The following SUMO3 variants were observed in gnomAD, a reference collection of about 807,000 sequenced individuals.
SUMO3 encodes the protein small ubiquitin like modifier 3, also known as small ubiquitin-related modifier 3.
Under a neutral mutation model 11.1 loss-of-function variants are expected in SUMO3, and 2 were observed. The observed-to-expected ratio is 0.18, with a 90% CI of 0.07 to 0.57. The LOEUF is 0.57. Ranked by LOEUF, SUMO3 falls within the 20% of genes least tolerant of loss-of-function variation. The pLI is 0.92. For missense variants in SUMO3, 70 were observed against 132.8 expected, an observed-to-expected ratio of 0.53 and a Z score of 2.32; for synonymous variants, 56 against 53.5, an observed-to-expected ratio of 1.05 and a Z score of -0.20.
rs1420954281 is a variant in SUMO3 at position 44,811,163 on chromosome 21, C to T, written c.151-2045G>A. On this transcript the variant is annotated intron_variant, in intron 2 of 3. Transcript: ENST00000332859. This position sits in a 1 kb window ranked among gnomAD's most constrained non-coding sequence, Gnocchi z 5.0. ...ACACCCACACATACACACACAGGCA[C>T]ACACCCACACATACACACACATGCA... is the stretch of plus-strand genomic sequence containing the variant. Among the ~76,000 whole-genome samples the T allele has an allele frequency of 6.7e-6, 1 of 149,366 alleles. No individual in the cohort carries two copies. Among genetic ancestry groups the T allele is most frequent in the Non-Finnish European group, 1.5e-5 (1 of 66,166 alleles).
chr21:44,808,141 C>A (rs2083188643), intron 3 of SUMO3: 1 of 166,254 alleles, frequency 6.0e-6, no homozygotes, highest in African/African-American at 2.4e-5. Context: ...TGAGACTCCA[C>A]AAGATGAAGT....
rs2083206198 is a variant in SUMO3 at position 44,810,938 on chromosome 21, CCACACACATGCACACACCCACACATG to C, written c.151-1846_151-1821del. ...TGCCCACACCCACACATGCCCACAC[CCACACACATGCACACACCCACACATG>C]CACACCCATGCACACACCCATGCAC... On this transcript the variant is annotated intron_variant, in intron 2 of 3. Transcript: ENST00000332859. The surrounding 1 kb of genome is among the most constrained non-coding windows in gnomAD (Gnocchi z 4.1). 6.7e-6 allele frequency among the ~76,000 whole-genome samples: 1 copy of C among 149,842 alleles called. No homozygotes were observed. Among genetic ancestry groups the C allele is most frequent in the Non-Finnish European group, 1.5e-5 (1 of 67,384 alleles).
In SUMO3 at chr21:44,810,173, G is replaced by A. The variant is rs1483696938; in HGVS notation, c.151-1055C>T. ...TTGATTTAACTGAAACAGGACAGAC[G>A]GGGTTAAAACGTGCATCTCTGCTCC... On this transcript the variant is annotated intron_variant, in intron 2 of 3. Transcript: ENST00000332859. This position sits in a 1 kb window ranked among gnomAD's most constrained non-coding sequence, Gnocchi z 4.1. Among the ~76,000 whole-genome samples, 1 of 152,198 alleles carries A rather than the reference G, an allele frequency of 6.6e-6. No homozygotes were observed. The highest frequency in any genetic ancestry group is 2.4e-5 in the African/African-American group (1 of 41,440).
Position 44,810,527 on chromosome 21 carries a change from G to A in SUMO3, c.151-1409C>T, listed in dbSNP as rs547463436. 5.3e-5 allele frequency among the ~76,000 whole-genome samples: 8 copies of A among 152,268 alleles called. No individual in the cohort carries two copies. Among genetic ancestry groups the A allele is most frequent in the South Asian group, 2.1e-4 (1 of 4,828 alleles). ...ATGTGCTTTCTGAGAAGGTGGGTGCGGAGCTCCAGGCGCAGGGCGGAAACA... is the reference window on the plus strand; with the variant it reads ...ATGTGCTTTCTGAGAAGGTGGGTGCAGAGCTCCAGGCGCAGGGCGGAAACA... On this transcript the variant is annotated intron_variant, in intron 2 of 3. Transcript: ENST00000332859. The surrounding 1 kb of genome is among the most constrained non-coding windows in gnomAD (Gnocchi z 4.1).
In SUMO3 at chr21:44,806,965, C is replaced by T; in HGVS notation, c.298G>A (p.Gly100Arg). 9 of 1,614,112 alleles carry T rather than the reference C, an allele frequency of 5.6e-6. No individual in the cohort carries two copies. The highest frequency in any genetic ancestry group is 7.6e-6 in the Non-Finnish European group (9 of 1,180,032). Residue 100 changes from glycine (G) to arginine (R), a missense_variant, in exon 4 of 4, where the codon GGG becomes AGG. Gly to Arg is a moderately radical substitution (Grantham distance 125, BLOSUM62 -2). Transcript: ENST00000332859. The part of the protein sequence containing the change: ...TGGVPESSLA[G>R]HSF ...GGACGGGCCCTCTAGAAACTGTGCCCTGCCAGGCTGCTCTCCGGCACACCT... is the reference window on the plus strand; with the variant it reads ...GGACGGGCCCTCTAGAAACTGTGCCTTGCCAGGCTGCTCTCCGGCACACCT...
rs1456394495 is a variant in SUMO3, at chr21:44,811,940, C to T, written c.150+2036G>A. Among the ~76,000 whole-genome samples the T allele has an allele frequency of 6.6e-6, 1 of 152,136 alleles. No individual in the cohort carries two copies. Among genetic ancestry groups the T allele is most frequent in the Non-Finnish European group, 1.5e-5 (1 of 68,024 alleles). On this transcript the variant is annotated intron_variant, in intron 2 of 3. Transcript: ENST00000332859. This position sits in a 1 kb window ranked among gnomAD's most constrained non-coding sequence, Gnocchi z 5.0. ...GCAGCATGAGTGAGAAAATCACCCA[C>T]CTCTGAGGCACATAAGGAAACACTG...
rs947264761 is a variant in SUMO3 at position 44,810,671 on chromosome 21, C to T, written c.151-1553G>A. Among the ~76,000 whole-genome samples the T allele has an allele frequency of 4.6e-5, 7 of 152,180 alleles. No homozygotes were observed. Among genetic ancestry groups the T allele is most frequent in the South Asian group, 2.1e-4 (1 of 4,828 alleles). On this transcript the variant is annotated intron_variant, in intron 2 of 3. Coordinates refer to ENST00000332859, the MANE Select transcript of SUMO3 (RefSeq NM_006936.3). This position sits in a 1 kb window ranked among gnomAD's most constrained non-coding sequence, Gnocchi z 4.1. ...CAACTCTCAAACTGTAGCATCTGGG[C>T]GCCTCCAGAACCTGCAATCCAGACA...
chr21:44,816,903 T>G (rs1188727779), intron 1 of SUMO3, among the ~76,000 whole-genome samples: 5 of 8,788 alleles, frequency 5.7e-4, no homozygotes, highest in Admixed American at 3.1e-3. Flanking sequence ...GGGGGCGTGA[T>G]GGGGAGGGGT....
At chr21:44,812,197 T>C (rs1044876771) in intron 2 of SUMO3, among the ~76,000 whole-genome samples, 3 of 151,546 alleles carry the variant, frequency 2.0e-5, no homozygotes, top group Non-Finnish European at 2.9e-5. Context: ...GCTGGGACTA[T>C]AGGCTTGCAC....
In SUMO3 at chr21:44,809,043, G is replaced by C. The variant is rs375860938; in HGVS notation, c.222+4C>G. ...CCTGGAACCACGCGAAGCCAGCTCCGTACCTGTGCTGGAGTGTCAGTTTCA... is the reference window on the plus strand; with the variant it reads ...CCTGGAACCACGCGAAGCCAGCTCCCTACCTGTGCTGGAGTGTCAGTTTCA... On this transcript the variant is annotated splice_donor_region_variant and intron_variant, in intron 3 of 3. Transcript: ENST00000332859. 1 of 1,613,878 alleles carries C rather than the reference G, an allele frequency of 6.2e-7. No homozygotes were observed. The highest frequency in any genetic ancestry group is 1.1e-5 in the South Asian group (1 of 91,074).
intron 1 of SUMO3, among the ~76,000 whole-genome samples, 190 bp from the exon 2 acceptor site, chr21:44,814,294 T>A (rs1038896292): frequency 1.3e-5 from 2 of 152,252 alleles, no homozygotes; most frequent in African/African-American, 4.8e-5. Context: ...TAACTTCCAC[T>A]TGTTAAGCAT....
At chr21:44,813,704 C>T (rs913816456) in intron 2 of SUMO3, 1 of 1,012,782 alleles carries the variant, frequency 9.9e-7, no homozygotes, top group South Asian at 1.7e-5. Context: ...CCATGGAGAA[C>T]ACAGCACCCC....
Position 44,807,324 on chromosome 21 carries a change from A to C in SUMO3, c.223-284T>G, listed in dbSNP as rs1341456732. 6.6e-6 allele frequency among the ~76,000 whole-genome samples: 1 copy of C among 152,222 alleles called. No homozygotes were observed. Among genetic ancestry groups the C allele is most frequent in the Non-Finnish European group, 1.5e-5 (1 of 68,040 alleles). ...AACTGAGAGAAAAACTGAGTCTAGA[A>C]GATAAACTGAAATGTCTAAAATTCT... On this transcript the variant is annotated intron_variant, in intron 3 of 3. Coordinates refer to ENST00000332859, the MANE Select transcript of SUMO3 (RefSeq NM_006936.3). The surrounding 1 kb of genome is among the most constrained non-coding windows in gnomAD (Gnocchi z 4.3).
rs962618361 is a variant in SUMO3 at position 44,810,984 on chromosome 21, A to C, written c.151-1866T>G. 6.8e-6 allele frequency among the ~76,000 whole-genome samples: 1 copy of C among 147,234 alleles called. No individual in the cohort carries two copies. Among genetic ancestry groups the C allele is most frequent in the African/African-American group, 2.6e-5 (1 of 39,150 alleles). ...CACATGCACACCCATGCACACACCC[A>C]TGCACACACCCACACATGCACACAC... On this transcript the variant is annotated intron_variant, in intron 2 of 3. Coordinates refer to ENST00000332859, the MANE Select transcript of SUMO3 (RefSeq NM_006936.3). The surrounding 1 kb of genome is among the most constrained non-coding windows in gnomAD (Gnocchi z 4.1).
At chr21:44,813,864 C>G in intron 2 of SUMO3, 112 bp downstream of exon 2, 1 of 1,581,162 alleles carries the variant, frequency 6.3e-7, no homozygotes, top group Non-Finnish European at 8.5e-7. Flanking sequence ...GAGGGCACCT[C>G]GGGCAGCTGC....
chr21:44,813,860 A>C lies in SUMO3; in HGVS notation c.150+116T>G, dbSNP rs185504091. On this transcript the variant is annotated intron_variant, in intron 2 of 3. Coordinates refer to ENST00000332859, the MANE Select transcript of SUMO3 (RefSeq NM_006936.3). The stretch of plus-strand genomic sequence containing the variant: ...CCGCCTGCCCATCCACGAAGAGGGC[A>C]CCTCGGGCAGCTGCATCTGGGTCCA... 8.2e-6 allele frequency: 13 copies of C among 1,578,352 alleles called. No homozygotes were observed. The Admixed American group carries it at 2.3e-4, about 28-fold the overall frequency.
rs1264398015 is a variant in SUMO3, at chr21:44,807,038, C to T, written c.225G>A (p.Leu75=). The T allele has an allele frequency of 1.9e-6, 3 of 1,613,748 alleles. No homozygotes were observed. Among genetic ancestry groups the T allele is most frequent in the Middle Eastern group, 3.3e-4 (2 of 6,084 alleles). ...PINETDTPAQ[L]EMEDEDTIDV... ...CGATGGTGTCCTCGTCCTCCATCTC[C>T]AGCTGTCATGGTTGTCACAACAGGC... is the stretch of plus-strand genomic sequence containing the variant. The change falls in exon 4 of 4, where the codon CTG becomes CTA. Residue 75 remains leucine (L), a splice_region_variant and synonymous_variant. Coordinates refer to ENST00000332859, the MANE Select transcript of SUMO3 (RefSeq NM_006936.3). The surrounding 1 kb of genome is among the most constrained non-coding windows in gnomAD (Gnocchi z 4.3).
chr21:44,817,736 C>T (rs1432436679), intron 1 of SUMO3, among the ~76,000 whole-genome samples: 1 of 128,206 alleles, frequency 7.8e-6, no homozygotes, highest in Admixed American at 8.7e-5. Context: ...TGGCCAGGCC[C>T]GGAGGGGGCG....
intron 3 of SUMO3, chr21:44,808,699 A>C: frequency 7.6e-7 from 1 of 1,322,362 alleles, no homozygotes. Context: ...CTTAAAGGGC[A>C]CAAGAATCCA....
Sources: allele counts gnomAD v4.1 joint callset (sites outside exome capture counted in the v4.1 genomes callset), GRCh38; gene constraint gnomAD v4.1.1; non-coding constraint Gnocchi (gnomAD v3.1); transcripts MANE v1.5; gene names NCBI Gene and HGNC (gene_info 2026-07-23, HGNC 2026-07-21).